ADGB: variants seen among roughly 807,000 people sequenced by gnomAD.
The protein encoded by ADGB is androglobin.
Under a neutral mutation model 210.5 loss-of-function variants are expected in ADGB, and 172 were observed. The ratio of observed to expected loss-of-function variants is 0.82; its 90% CI spans 0.72 to 0.93. The LOEUF (loss-of-function observed/expected upper bound fraction) is 0.93. Ranked by LOEUF, ADGB falls within the 40% of genes least tolerant of loss-of-function variation. The probability of loss-of-function intolerance (pLI) is 0.00; values close to 1 mark genes in which losing one functional copy is unlikely to be tolerated. For missense variants in ADGB, 2,025 were observed against 1,964.8 expected (o/e 1.03, Z -0.58); for synonymous variants, 658 against 662.7 (o/e 0.99, Z 0.11).
chr6:146,711,474 C>A (rs571341724), intron 13 of ADGB, among the ~76,000 whole-genome samples: 3 of 152,000 alleles, frequency 2.0e-5, no homozygotes, highest in Non-Finnish European at 4.4e-5. Context: ...CTCTGATGGA[C>A]TTCCTATTTT....
intron 33 of ADGB, among the ~76,000 whole-genome samples, chr6:146,796,335 G>GA (rs532250810): frequency 1.2e-3 from 189 of 152,134 alleles, no homozygotes; most frequent in Middle Eastern, 3.4e-3. Flanking sequence ...CACAGAACTA[G>GA]AAAAAACAAT....
rs144232965 is a variant in ADGB, at chr6:146,796,376, C to G, written c.4538-4807C>G. On this transcript the variant is annotated intron_variant, in intron 33 of 35. Transcript: ENST00000397944. ...AATTCATTTGGAACCAAAAAAGAGCCTACATAGTGAAAGCACGACCAATCT... is the reference window on the plus strand; with the variant it reads ...AATTCATTTGGAACCAAAAAAGAGCGTACATAGTGAAAGCACGACCAATCT... Among the ~76,000 whole-genome samples, 164 of 152,160 alleles carry G rather than the reference C, an allele frequency of 1.1e-3. 1 individual carries two copies. Among genetic ancestry groups the G allele is most frequent in the African/African-American group, 3.8e-3 (158 of 41,502 alleles).
intron 12 of ADGB, among the ~76,000 whole-genome samples, chr6:146,697,621 A>T (rs981788876): frequency 1.3e-5 from 2 of 152,126 alleles, no homozygotes; most frequent in African/African-American, 4.8e-5. Flanking sequence ...GGAGACAAAA[A>T]AAATGGGAAA....
chr6:146,662,388 AT>A (rs1775874412), intron 5 of ADGB, among the ~76,000 whole-genome samples: 1 of 152,018 alleles, frequency 6.6e-6, no homozygotes, highest in African/African-American at 2.4e-5. Flanking sequence ...ACTAATTTCT[AT>A]GCTATCTGCA....
At chr6:146,659,530 G>A (rs1477104765) in intron 5 of ADGB, among the ~76,000 whole-genome samples, 1 of 151,996 alleles carries the variant, frequency 6.6e-6, no homozygotes, top group Non-Finnish European at 1.5e-5. Flanking sequence ...CTTCTTTGAG[G>A]CAAACCAACC....
chr6:146,811,814 G>T (rs1420640463), intron 35 of ADGB, among the ~76,000 whole-genome samples: 1 of 152,052 alleles, frequency 6.6e-6, no homozygotes, highest in African/African-American at 2.4e-5. Flanking sequence ...TGGGATTACA[G>T]GTGTGTGCCA....
At chr6:146,670,604 C>A (rs372847651) in intron 7 of ADGB, among the ~76,000 whole-genome samples, 1 of 152,110 alleles carries the variant, frequency 6.6e-6, no homozygotes, top group South Asian at 2.1e-4. Context: ...CAAGTTATGC[C>A]ACATTTCAGC....
rs74812828 is a variant in ADGB, at chr6:146,731,164, C to A, written c.2521-1956C>A. Among the ~76,000 whole-genome samples the A allele has an allele frequency of 7.2e-5, 11 of 151,958 alleles. No homozygotes were observed. In the South Asian group the frequency reaches 1.2e-3, roughly 17 times the overall value. On this transcript the variant is annotated intron_variant, in intron 20 of 35. Transcript: ENST00000397944. ...ATTTAACTGGCAATGCTGCCTGAGG[C>A]GCAGATCAACCCCAGTTGAGAACTA...
intron 3 of ADGB, among the ~76,000 whole-genome samples, chr6:146,647,914 G>A (rs1300525977): frequency 6.6e-6 from 1 of 151,566 alleles, no homozygotes; most frequent in African/African-American, 2.4e-5. Flanking sequence ...TTTAACATAA[G>A]GTCCAATTTT....
intron 16 of ADGB, among the ~76,000 whole-genome samples, chr6:146,718,374 G>A (rs896133667): frequency 5.7e-5 from 8 of 140,494 alleles, no homozygotes; most frequent in Admixed American, 5.0e-4. Flanking sequence ...AAAAGGCTCA[G>A]CTTCATGTCC....
intron 25 of ADGB, among the ~76,000 whole-genome samples, chr6:146,744,159 C>T (rs569338625): frequency 2.0e-5 from 3 of 152,044 alleles, no homozygotes; most frequent in African/African-American, 7.2e-5. Flanking sequence ...TGTTTTGTAC[C>T]CTGTGATTGC....
chr6:146,663,169 A>G (rs927701965), intron 5 of ADGB, among the ~76,000 whole-genome samples: 1 of 141,634 alleles, frequency 7.1e-6, no homozygotes, highest in African/African-American at 2.6e-5. Context: ...TATATTTATT[A>G]TATATTATAT....
At chr6:146,772,220 G>A (rs1777661325) in intron 29 of ADGB, among the ~76,000 whole-genome samples, 2 of 152,048 alleles carry the variant, frequency 1.3e-5, no homozygotes, top group East Asian at 3.9e-4. Flanking sequence ...ATGTTTAAAT[G>A]AGATTCATAA....
At chr6:146,642,884 ATCT>A (rs1297542628) in intron 2 of ADGB, among the ~76,000 whole-genome samples, 3 of 152,030 alleles carry the variant, frequency 2.0e-5, no homozygotes, top group East Asian at 3.9e-4. Context: ...TGTGTAACAA[ATCT>A]TCTTATGTAC....
chr6:146,659,907 G>A (rs1775832081), intron 5 of ADGB, among the ~76,000 whole-genome samples: 1 of 152,074 alleles, frequency 6.6e-6, no homozygotes, highest in Non-Finnish European at 1.5e-5. Flanking sequence ...GCTTTCATTT[G>A]TTTCTGATAA....
chr6:146,636,734 T>C (rs966974641), intron 2 of ADGB, among the ~76,000 whole-genome samples: 1 of 151,962 alleles, frequency 6.6e-6, no homozygotes, highest in South Asian at 2.1e-4. Flanking sequence ...GCTCCTTCAC[T>C]GGAGTGAGTG....
chr6:146,713,457 CATT>C (rs1441658459), intron 13 of ADGB, among the ~76,000 whole-genome samples: 1 of 152,108 alleles, frequency 6.6e-6, no homozygotes, highest in Admixed American at 6.5e-5. Flanking sequence ...AATGGTGTCT[CATT>C]GTAATTTTGG....
rs1419534041 is a variant in ADGB, at chr6:146,720,604, G to T, written c.1993-799G>T. ...ACTGGGTAATTTATGTAGAAAAGAG[G>T]TTTAATTGACTCACAGTTCCACAGG... On this transcript the variant is annotated intron_variant, in intron 16 of 35. Coordinates refer to ENST00000397944, the MANE Select transcript of ADGB (RefSeq NM_024694.4). Among the ~76,000 whole-genome samples, 5 of 152,278 alleles carry T rather than the reference G, an allele frequency of 3.3e-5. No individual in the cohort carries two copies. The East Asian group carries it at 9.7e-4, about 29-fold the overall frequency.
At chr6:146,752,848 C>T (rs1777343787) in intron 27 of ADGB, 134 bp downstream of exon 27, 2 of 744,066 alleles carry the variant, frequency 2.7e-6, no homozygotes, top group African/African-American at 3.6e-5. Context: ...TAAAATATTA[C>T]AAGTATAGCA....
Sources: allele counts gnomAD v4.1 joint callset (sites outside exome capture counted in the v4.1 genomes callset), GRCh38; gene constraint gnomAD v4.1.1; transcripts MANE v1.5; gene names NCBI Gene and HGNC (gene_info 2026-07-23, HGNC 2026-07-21).